ATP8A2: variants seen among roughly 807,000 people sequenced by gnomAD.
The protein encoded by ATP8A2 is ATPase phospholipid transporting 8A2.
Under a neutral mutation model 165.6 loss-of-function variants are expected in ATP8A2, and 100 were observed. The ratio of observed to expected loss-of-function variants is 0.60; its 90% CI spans 0.51 to 0.71. The LOEUF is 0.71. Ranked by LOEUF, ATP8A2 falls within the 30% of genes least tolerant of loss-of-function variation. The pLI is 0.00. For synonymous variants in ATP8A2, 543 were observed against 548.8 expected (o/e 0.99, Z 0.15); for missense variants, 1,227 against 1,479.5 (o/e 0.83, Z 2.80).
chr13:26,008,907 T>TAAACCAA (rs1956791986), intron 35 of ATP8A2, among the ~76,000 whole-genome samples: 1 of 152,148 alleles, frequency 6.6e-6, no homozygotes, highest in African/African-American at 2.4e-5. Flanking sequence ...AAATAAATAA[T>TAAACCAA]AAAGTATTCC....
chr13:25,901,761 CCGTGTAGG>C (rs1238552979), intron 33 of ATP8A2, among the ~76,000 whole-genome samples: 1 of 152,206 alleles, frequency 6.6e-6, no homozygotes, highest in African/African-American at 2.4e-5. Flanking sequence ...GCTAGTAAAG[CCGTGTAGG>C]CTTGTTCTAG....
chr13:25,538,204 T>C (rs1369488035), intron 7 of ATP8A2, 143 bp downstream of exon 7: 5 of 579,762 alleles, frequency 8.6e-6, no homozygotes, highest in Non-Finnish European at 1.5e-5. Context: ...GTCATTTCCC[T>C]TCTCCTGCCA....
chr13:26,013,085 T>G (rs1956883804), intron 36 of ATP8A2, among the ~76,000 whole-genome samples: 1 of 141,002 alleles, frequency 7.1e-6, no homozygotes, highest in Non-Finnish European at 1.6e-5. Context: ...CACCTCCAGA[T>G]TCCAGAGGAG....
chr13:25,376,946 A>G (rs2032650188), intron 1 of ATP8A2, among the ~76,000 whole-genome samples: 1 of 152,204 alleles, frequency 6.6e-6, no homozygotes, highest in Admixed American at 6.5e-5. Flanking sequence ...TCTGAAGGTC[A>G]TCACCTTCTG....
At chr13:25,819,445 T>G (rs1951110297) in intron 27 of ATP8A2, among the ~76,000 whole-genome samples, 2 of 152,330 alleles carry the variant, frequency 1.3e-5, no homozygotes, top group African/African-American at 4.8e-5. Flanking sequence ...CCTGACAACC[T>G]TTGCTCTATA....
At chr13:25,466,830 G>A (rs1369561063) in intron 1 of ATP8A2, among the ~76,000 whole-genome samples, 1 of 152,144 alleles carries the variant, frequency 6.6e-6, no homozygotes, top group African/African-American at 2.4e-5. Context: ...CTGGAGCTTG[G>A]GCTTCTGGGT....
At chr13:25,871,332 G>T (rs1399808228) in intron 33 of ATP8A2, 1 of 212,912 alleles carries the variant, frequency 4.7e-6, no homozygotes, top group Non-Finnish European at 9.7e-6. Flanking sequence ...CTCTTATTAA[G>T]AGTCTGCACA....
At chr13:25,650,206 G>A (rs759595190) in intron 24 of ATP8A2, among the ~76,000 whole-genome samples, 15 of 152,174 alleles carry the variant, frequency 9.9e-5, no homozygotes, top group Non-Finnish European at 1.8e-4. Context: ...TTTATTCCAT[G>A]CTGTGGACCA....
intron 2 of ATP8A2, among the ~76,000 whole-genome samples, chr13:25,478,248 G>A (rs1442675123): frequency 1.3e-5 from 2 of 152,102 alleles, no homozygotes; most frequent in South Asian, 2.1e-4. Context: ...AGTTGCTTAA[G>A]TTGAAAAAGT....
At chr13:25,940,489 C>T (rs1204019114) in intron 33 of ATP8A2, among the ~76,000 whole-genome samples, 2 of 152,196 alleles carry the variant, frequency 1.3e-5, no homozygotes, top group African/African-American at 2.4e-5. Context: ...GCAGGCCCCA[C>T]CGGCCTTTCC....
chr13:25,777,548 C>T (rs1160100613), intron 27 of ATP8A2, among the ~76,000 whole-genome samples: 2 of 152,110 alleles, frequency 1.3e-5, no homozygotes, highest in African/African-American at 4.8e-5. Context: ...TTTCTTGTAA[C>T]TCAAGGAGCG....
intron 33 of ATP8A2, among the ~76,000 whole-genome samples, chr13:25,888,800 G>A (rs1031865304): frequency 6.6e-6 from 1 of 152,150 alleles, no homozygotes; most frequent in Non-Finnish European, 1.5e-5. Flanking sequence ...CGGAGGTTGC[G>A]ATGAGTCAAG....
intron 24 of ATP8A2, among the ~76,000 whole-genome samples, chr13:25,594,382 A>G (rs937045443): frequency 6.6e-6 from 1 of 152,196 alleles, no homozygotes; most frequent in Non-Finnish European, 1.5e-5. Flanking sequence ...TGGAAGACCT[A>G]TACAAAACCT....
At chr13:25,748,142 A>G (rs948642562) in intron 25 of ATP8A2, among the ~76,000 whole-genome samples, 4 of 152,240 alleles carry the variant, frequency 2.6e-5, no homozygotes, top group African/African-American at 7.2e-5. Context: ...AAAACAGTGT[A>G]TATAGATAGT....
At chr13:25,623,832 G>A (rs2041034882) in intron 24 of ATP8A2, among the ~76,000 whole-genome samples, 1 of 151,792 alleles carries the variant, frequency 6.6e-6, no homozygotes, top group Non-Finnish European at 1.5e-5. Context: ...CATAAATTAT[G>A]CATAGATTAT....
intron 25 of ATP8A2, among the ~76,000 whole-genome samples, chr13:25,742,372 A>G (rs1450314027): frequency 6.6e-6 from 1 of 151,974 alleles, no homozygotes; most frequent in Non-Finnish European, 1.5e-5. Flanking sequence ...ATATACATAT[A>G]TAAAGTAAAT....
intron 16 of ATP8A2, among the ~76,000 whole-genome samples, chr13:25,564,958 ATGT>A (rs1339377718): frequency 4.0e-5 from 6 of 151,818 alleles, no homozygotes; most frequent in Non-Finnish European, 2.9e-5. Flanking sequence ...AGAACACATG[ATGT>A]TTGGTTTTCC....
intron 25 of ATP8A2, among the ~76,000 whole-genome samples, chr13:25,742,672 TCTCTCTG>T (rs1471223652): frequency 8.2e-5 from 11 of 134,776 alleles, no homozygotes; most frequent in South Asian, 7.4e-4. Flanking sequence ...TCTCTCTCTC[TCTCTCTG>T]TCTTTTTTTT....
chr13:25,466,152 A>T (rs2035661849), intron 1 of ATP8A2, among the ~76,000 whole-genome samples: 1 of 152,142 alleles, frequency 6.6e-6, no homozygotes, highest in African/African-American at 2.4e-5. Flanking sequence ...GATGAAGTTC[A>T]AGCTTCTTTG....
Sources: allele counts gnomAD v4.1 joint callset (sites outside exome capture counted in the v4.1 genomes callset), GRCh38; gene constraint gnomAD v4.1.1; transcripts MANE v1.5; gene names NCBI Gene and HGNC (gene_info 2026-07-23, HGNC 2026-07-21).